Variants in CSMD1 observed in about 807,000 individuals in gnomAD.
CSMD1 encodes CUB and sushi domain-containing protein 1.
A neutral mutation model predicts 417.5 loss-of-function variants in CSMD1; 213 were observed. That is an observed-to-expected ratio of 0.51 (90% CI 0.46 to 0.57). The LOEUF (loss-of-function observed/expected upper bound fraction) is 0.57, where lower values mean the gene tolerates loss of function less well. Among genes scored for constraint, CSMD1 ranks in the 20% least tolerant of loss-of-function variants. CSMD1 has a pLI of 0.00. For synonymous variants in CSMD1, 2,862 were observed against 1,736.8 expected (o/e 1.65, Z -16.11); for missense variants, 6,923 against 4,529.7 (o/e 1.53, Z -15.17).
At chr8:4,324,962 TATC>T (rs1477612325) in intron 3 of CSMD1, among the ~76,000 whole-genome samples, 1 of 152,256 alleles carries the variant, frequency 6.6e-6, no homozygotes, top group East Asian at 1.9e-4. Flanking sequence ...TTGGAAAGGA[TATC>T]ATTATATCAC....
intron 3 of CSMD1, among the ~76,000 whole-genome samples, chr8:4,252,838 G>C (rs186472400): frequency 1.3e-5 from 2 of 152,338 alleles, no homozygotes; most frequent in East Asian, 3.9e-4. Flanking sequence ...GATGACTGGA[G>C]TTGCAGCAGC....
rs1436575566 is a variant in CSMD1 at position 4,139,954 on chromosome 8, G to A, written c.416-107855C>T. Among the ~76,000 whole-genome samples the A allele has an allele frequency of 4.4e-5, 6 of 137,886 alleles. 2 individuals carry two copies. The highest frequency in any genetic ancestry group is 1.5e-4 in the African/African-American group (6 of 39,344). 90.5% of individuals were successfully genotyped at this position (137,886 alleles called of 152,430 possible). On this transcript the variant is annotated intron_variant, in intron 3 of 69. Coordinates refer to ENST00000635120, the MANE Select transcript of CSMD1 (RefSeq NM_033225.6). ...AAAGGAAGTGTGGATGGCAGCAAGG[G>A]CAGGTGAAACTATGTTTATGTGGGC...
rs1193118182 is a variant in CSMD1, at chr8:3,838,764, G to C, written c.819-84722C>G. ...TATAATATATAATAAATATTATATA[G>C]TATAATATATAATAAATTGATATTA... On this transcript the variant is annotated intron_variant, in intron 5 of 69. Coordinates refer to ENST00000635120, the MANE Select transcript of CSMD1 (RefSeq NM_033225.6). Among the ~76,000 whole-genome samples, 33 of 72,670 alleles carry C rather than the reference G, an allele frequency of 4.5e-4. 10 individuals carry two copies. The highest frequency in any genetic ancestry group is 1.7e-3 in the African/African-American group (29 of 17,048). 47.7% of individuals were successfully genotyped at this position (72,670 alleles called of 152,430 possible).
intron 1 of CSMD1, among the ~76,000 whole-genome samples, chr8:4,684,477 G>A (rs1218956432): frequency 6.6e-6 from 1 of 152,132 alleles, no homozygotes; most frequent in Non-Finnish European, 1.5e-5. Flanking sequence ...GGGTCTTGCT[G>A]GATCACCCCG....
At chr8:4,899,348 G>C (rs1804714428) in intron 1 of CSMD1, among the ~76,000 whole-genome samples, 1 of 149,866 alleles carries the variant, frequency 6.7e-6, no homozygotes, top group Admixed American at 6.7e-5. Context: ...CTAACAAAAA[G>C]TGAGCCACTC....
At chr8:3,728,034 C>A (rs929430399) in intron 6 of CSMD1, among the ~76,000 whole-genome samples, 3 of 152,044 alleles carry the variant, frequency 2.0e-5, no homozygotes, top group African/African-American at 7.2e-5. Flanking sequence ...TATTCAATGC[C>A]CCTGAATTGT....
At chr8:4,681,290 G>C (rs1457416591) in intron 1 of CSMD1, among the ~76,000 whole-genome samples, 1 of 152,028 alleles carries the variant, frequency 6.6e-6, no homozygotes, top group Non-Finnish European at 1.5e-5. Context: ...CTTCTACTTT[G>C]TATCGTTACA....
intron 49 of CSMD1, among the ~76,000 whole-genome samples, chr8:3,080,122 T>C (rs2129002741): frequency 6.6e-6 from 1 of 152,316 alleles, no homozygotes; most frequent in Middle Eastern, 3.4e-3. Flanking sequence ...CCACAGCTGA[T>C]AGAAGGCTCT....
chr8:4,123,386 A>G (rs1484867589), intron 3 of CSMD1, among the ~76,000 whole-genome samples: 1 of 152,194 alleles, frequency 6.6e-6, no homozygotes, highest in Non-Finnish European at 1.5e-5. Flanking sequence ...ATTAATTCTT[A>G]TCTGGGTGTG....
intron 10 of CSMD1, among the ~76,000 whole-genome samples, chr8:3,534,927 G>C (rs1240647065): frequency 6.6e-6 from 1 of 152,058 alleles, no homozygotes; most frequent in African/African-American, 2.4e-5. Context: ...AGATAGCCAG[G>C]GTTACTGTAA....
At chr8:4,567,658 G>A (rs1434442135) in intron 2 of CSMD1, among the ~76,000 whole-genome samples, 2 of 152,140 alleles carry the variant, frequency 1.3e-5, no homozygotes, top group Non-Finnish European at 2.9e-5. Flanking sequence ...AATAAAGGAC[G>A]AAGGTTCTTC....
chr8:3,263,825 G>A (rs966461095), intron 26 of CSMD1, among the ~76,000 whole-genome samples: 3 of 152,152 alleles, frequency 2.0e-5, no homozygotes, highest in Non-Finnish European at 2.9e-5. Context: ...CTTTCATCAT[G>A]TGAAGATTAG....
At chr8:4,313,666 G>C (rs1193463690) in intron 3 of CSMD1, among the ~76,000 whole-genome samples, 1 of 152,018 alleles carries the variant, frequency 6.6e-6, no homozygotes, top group Non-Finnish European at 1.5e-5. Context: ...TTTAGAGAGG[G>C]AAACCAGGAG....
chr8:3,826,255 G>C (rs1013611955), intron 5 of CSMD1, among the ~76,000 whole-genome samples: 3 of 152,112 alleles, frequency 2.0e-5, no homozygotes, highest in African/African-American at 7.2e-5. Flanking sequence ...GGTCAGCCCA[G>C]GCACGGGTCA....
intron 57 of CSMD1, among the ~76,000 whole-genome samples, chr8:2,972,367 G>C (rs1464067091): frequency 1.3e-5 from 2 of 152,132 alleles, no homozygotes; most frequent in Non-Finnish European, 2.9e-5. Context: ...GAATTAATTT[G>C]TATAACCTTT....
At chr8:4,138,009 C>T (rs1803537063) in intron 3 of CSMD1, among the ~76,000 whole-genome samples, 1 of 146,202 alleles carries the variant, frequency 6.8e-6, no homozygotes, top group South Asian at 2.2e-4. Flanking sequence ...TCCAGAGTAG[C>T]TGCGACTAGA....
At chr8:4,078,517 G>A (rs918120876) in intron 3 of CSMD1, among the ~76,000 whole-genome samples, 4 of 151,556 alleles carry the variant, frequency 2.6e-5, no homozygotes, top group African/African-American at 7.3e-5. Flanking sequence ...GCCCACCTCG[G>A]CCTCCCAAAG....
chr8:3,889,773 T>A (rs926312136), intron 5 of CSMD1, among the ~76,000 whole-genome samples: 1 of 151,974 alleles, frequency 6.6e-6, no homozygotes, highest in Non-Finnish European at 1.5e-5. Flanking sequence ...ATGAAAGACA[T>A]AGAGAATTAT....
chr8:3,461,293 G>C (rs562427406), intron 12 of CSMD1, among the ~76,000 whole-genome samples: 1 of 152,234 alleles, frequency 6.6e-6, no homozygotes, highest in Admixed American at 6.5e-5. Context: ...GCTTTTGCTG[G>C]ATAGAATGAG....
Sources: gnomAD v4.1 joint callset for allele counts (sites outside exome capture counted in the v4.1 genomes callset) on GRCh38, gnomAD v4.1.1 for gene constraint, MANE v1.5 for transcripts, NCBI Gene and HGNC (gene_info 2026-07-23, HGNC 2026-07-21) for gene names.